PAX1: variants seen among roughly 807,000 people sequenced by gnomAD.
PAX1 encodes paired box 1.
A neutral mutation model predicts 35.6 loss-of-function variants in PAX1; 18 were observed. That is an observed-to-expected ratio of 0.50 (90% confidence interval 0.35 to 0.75). PAX1 has a LOEUF of 0.75. PAX1 is among the 30% of genes least tolerant of loss of function. The pLI is 0.01. For synonymous variants in PAX1, 397 were observed against 305.2 expected (o/e 1.30, Z -3.14); for missense variants, 760 against 661.5 (o/e 1.15, Z -1.63).
intron 4 of PAX1, among the ~76,000 whole-genome samples, chr20:21,713,324 T>A (rs1985254222): frequency 1.3e-5 from 2 of 152,076 alleles, no homozygotes; most frequent in Admixed American, 6.5e-5. Flanking sequence ...CGCTCTGTCC[T>A]GGGAAGGTCT....
rs773157105 is a variant in PAX1, at chr20:21,706,982, G to A, written c.831G>A (p.Ala277=). ...GCCACCCCGGGGTCCCGGGCACGGC[G>A]GGCCACGTCAGCATCCCGCGCTCAT... is the stretch of plus-strand genomic sequence containing the variant. ...MGSHPGVPGT[A]GHVSIPRSWP... is the part of the protein sequence containing the mutation. Residue 277 remains alanine (A), a synonymous_variant, in exon 2 of 5, where the codon GCG becomes GCA. Transcript: ENST00000613128. The surrounding 1 kb of genome is among the most constrained non-coding windows in gnomAD (Gnocchi z 5.3). The A allele has an allele frequency of 5.6e-6, 9 of 1,612,804 alleles. No homozygotes were observed. The South Asian group carries it at 7.7e-5, about 14-fold the overall frequency.
In PAX1 at chr20:21,706,155, G is replaced by A. The variant is rs1984985491; in HGVS notation, c.286+157G>A. 1.3e-6 allele frequency: 1 copy of A among 795,120 alleles called. No homozygotes were observed. The highest frequency in any genetic ancestry group is 1.5e-5 in the South Asian group (1 of 68,378). 49.3% of individuals were successfully genotyped at this position (795,120 alleles called of 1,614,324 possible). ...GATCCCCAGCCTTCAGGGGGCAGTT[G>A]AGCAAGTCTGGGAAGGGAGTGTTCC... On this transcript the variant is annotated intron_variant, in intron 1 of 4. Coordinates refer to ENST00000613128, the MANE Select transcript of PAX1 (RefSeq NM_001257096.2). The surrounding 1 kb of genome is among the most constrained non-coding windows in gnomAD (Gnocchi z 5.3).
chr20:21,705,789 C>G lies in PAX1; in HGVS notation c.77C>G (p.Pro26Arg). 7.8e-7 allele frequency: 1 copy of G among 1,277,246 alleles called. No individual in the cohort carries two copies. Among genetic ancestry groups the G allele is most frequent in the Non-Finnish European group, 9.9e-7 (1 of 1,014,254 alleles). The allele number at this position is 1,277,246 out of a possible 1,614,324, so 79.1% of individuals were successfully genotyped here. ...WEGAAAAAAGPGAGGSALRCR... is the reference protein window; with the variant it reads ...WEGAAAAAAGRGAGGSALRCR... Reference sequence around the variant, plus strand: ...GGGGCAGCAGCGGCGGCGGCAGGCCCTGGAGCGGGCGGCAGCGCGCTCCGC... The same window carrying G: ...GGGGCAGCAGCGGCGGCGGCAGGCCGTGGAGCGGGCGGCAGCGCGCTCCGC... The change falls in exon 1 of 5, where the codon CCT becomes CGT. Residue 26 changes from proline (P) to arginine (R), a missense_variant. Around this residue, in one of 3 missense-constraint regions of PAX1, gnomAD observed 222 missense variants for 153.0 expected, o/e 1.45. Coordinates refer to ENST00000613128, the MANE Select transcript of PAX1 (RefSeq NM_001257096.2).
chr20:21,713,994 G>A (rs1335753997), intron 4 of PAX1, among the ~76,000 whole-genome samples: 1 of 152,230 alleles, frequency 6.6e-6, no homozygotes, highest in African/African-American at 2.4e-5. Context: ...TCCGAGCCGC[G>A]GGTGTCAGCG....
chr20:21,714,460 T>A lies in PAX1; in HGVS notation c.1283-11T>A. 1 of 1,556,514 alleles carries A rather than the reference T, an allele frequency of 6.4e-7. No homozygotes were observed. Among genetic ancestry groups the A allele is most frequent in the Non-Finnish European group, 8.7e-7 (1 of 1,152,512 alleles). On this transcript the variant is annotated splice_polypyrimidine_tract_variant and intron_variant, in intron 4 of 4. Coordinates refer to ENST00000613128, the MANE Select transcript of PAX1 (RefSeq NM_001257096.2). ...GGTAGTGATCCGACGCCTCTGTGCT[T>A]CCTCCCGCAGTGGCTGACAGGAAGC...
chr20:21,705,767 G>A lies in PAX1; in HGVS notation c.55G>A (p.Ala19Thr), dbSNP rs2122130353. 1.6e-6 allele frequency: 2 copies of A among 1,263,068 alleles called. No homozygotes were observed. Among genetic ancestry groups the A allele is most frequent in the South Asian group, 3.9e-5 (1 of 25,484 alleles). 78.2% of individuals were successfully genotyped at this position (1,263,068 alleles called of 1,614,324 possible). A position where few individuals can be genotyped will look rare whatever the true frequency, so the allele number is the denominator to read the frequency against. ...GGCGTGGAGAGTGTCCTGGGAGGGG[G>A]CAGCAGCGGCGGCGGCAGGCCCTGG... ...SRAWRVSWEG[A>T]AAAAAGPGAG... is the part of the protein sequence containing the mutation. The change falls in exon 1 of 5, where the codon GCA becomes ACA. Residue 19 changes from alanine to threonine, a missense_variant. By Grantham distance (58) the Ala-to-Thr change is moderately conservative. Transcript: ENST00000613128.
At position 21,709,355 on chromosome 20, in the gene PAX1, G is replaced by C. The variant is rs758893794; in HGVS notation, c.1193G>C (p.Gly398Ala). 1.3e-6 allele frequency: 2 copies of C among 1,593,744 alleles called. No individual in the cohort carries two copies. Among genetic ancestry groups the C allele is most frequent in the Admixed American group, 3.4e-5 (2 of 58,602 alleles). Residue 398 changes from glycine to alanine, a missense_variant, in exon 4 of 5, where the codon GGT (glycine) becomes GCT (alanine). By Grantham distance (60) the Gly-to-Ala change is moderately conservative. This residue lies in a region of PAX1 where 490 missense variants were observed against 428.4 expected (regional missense o/e 1.14). Transcript: ENST00000613128. ...GGCCCGCCGTGGCCGCCTGCGCAAG[G>C]TCCTCCTCTGGCGCCCCCCGGGGCC... is the stretch of plus-strand genomic sequence containing the variant. ...APGPPWPPAQ[G>A]PPLAPPGAGV...
chr20:21,706,316 G>T lies in PAX1; in HGVS notation c.287-122G>T. The T allele has an allele frequency of 7.5e-7, 1 of 1,326,566 alleles. No homozygotes were observed. Among genetic ancestry groups the T allele is most frequent in the Non-Finnish European group, 1.1e-6 (1 of 934,164 alleles). 82.2% of individuals were successfully genotyped at this position (1,326,566 alleles called of 1,614,324 possible). ...GCCCTTGGACTCCGAGCTGTCTGGG[G>T]ACCCACAGGTCACCTTTGGAAGTGC... On this transcript the variant is annotated intron_variant, in intron 1 of 4. Transcript: ENST00000613128. The surrounding 1 kb of genome is among the most constrained non-coding windows in gnomAD (Gnocchi z 5.3).
At position 21,709,368 on chromosome 20, in the gene PAX1, G is replaced by T; in HGVS notation, c.1206G>T (p.Ala402=). The change falls in exon 4 of 5, where the codon GCG becomes GCT. Residue 402 remains alanine, a synonymous_variant. Coordinates refer to ENST00000613128, the MANE Select transcript of PAX1 (RefSeq NM_001257096.2). ...PWPPAQGPPL[A]PPGAGVAVHG... is the part of the protein sequence containing the mutation. ...CGCCTGCGCAAGGTCCTCCTCTGGCGCCCCCCGGGGCCGGCGTAGCTGTGC... is the reference window on the plus strand; with the variant it reads ...CGCCTGCGCAAGGTCCTCCTCTGGCTCCCCCCGGGGCCGGCGTAGCTGTGC... The T allele has an allele frequency of 6.4e-7, 1 of 1,571,364 alleles. No homozygotes were observed.
chr20:21,708,747 A>C (rs769082864), intron 3 of PAX1, 47 bp downstream of exon 3: 1 of 1,600,078 alleles, frequency 6.2e-7, no homozygotes, highest in Non-Finnish European at 8.6e-7. Context: ...GGGAAGCAGA[A>C]GGTTTGGGCA....
rs774932239 is a variant in PAX1 at position 21,706,445 on chromosome 20, G to A, written c.294G>A (p.Thr98=). ...QLAGPLAMEQ[T]YGEVNQLGGV... The stretch of plus-strand genomic sequence containing the variant: ...TGTCTGGCGCATCCGCAGAGCAGAC[G>A]TATGGCGAGGTGAACCAGCTGGGCG... Residue 98 remains threonine, a synonymous_variant, in exon 2 of 5, where the codon ACG becomes ACA. Coordinates refer to ENST00000613128, the MANE Select transcript of PAX1 (RefSeq NM_001257096.2). This position sits in a 1 kb window ranked among gnomAD's most constrained non-coding sequence, Gnocchi z 5.3. 11 of 1,611,112 alleles carry A rather than the reference G, an allele frequency of 6.8e-6. No homozygotes were observed. In the South Asian group the frequency reaches 1.2e-4, roughly 18 times the overall value.
chr20:21,718,424 G>C lies in PAX1; in HGVS notation c.*3862G>C, dbSNP rs956389366. ...CAGGAAAGAGACATGGAGGCAGAGGGGTGCGGGAAAACCTTGTGTGAAGAA... is the reference window on the plus strand; with the variant it reads ...CAGGAAAGAGACATGGAGGCAGAGGCGTGCGGGAAAACCTTGTGTGAAGAA... On this transcript the variant is annotated 3_prime_UTR_variant, in exon 5 of 5. Transcript: ENST00000613128. 6.6e-6 allele frequency: 1 copy of C among 152,168 alleles called. No homozygotes were observed. Among genetic ancestry groups the C allele is most frequent in the Non-Finnish European group, 1.5e-5 (1 of 68,040 alleles). The allele number at this position is 152,168 out of a possible 1,614,324, so 9.4% of individuals were successfully genotyped here.
chr20:21,706,262 GC>G lies in PAX1; in HGVS notation c.287-173del. On this transcript the variant is annotated intron_variant, in intron 1 of 4. Coordinates refer to ENST00000613128, the MANE Select transcript of PAX1 (RefSeq NM_001257096.2). The surrounding 1 kb of genome is among the most constrained non-coding windows in gnomAD (Gnocchi z 5.3). ...CACTCCGCGGCTCCTCTGCGCCCTTGCCCACTCCAAGCCAGACCCAGGCGGT... is the reference window on the plus strand; with the variant it reads ...CACTCCGCGGCTCCTCTGCGCCCTTGCCACTCCAAGCCAGACCCAGGCGGT... The G allele has an allele frequency of 1.1e-6, 1 of 900,506 alleles. No individual in the cohort carries two copies. The highest frequency in any genetic ancestry group is 1.8e-6 in the Non-Finnish European group (1 of 563,268). 55.8% of individuals were successfully genotyped at this position (900,506 alleles called of 1,614,324 possible).
Position 21,706,391 on chromosome 20 carries a change from G to C in PAX1, c.287-47G>C, listed in dbSNP as rs747762875. The C allele has an allele frequency of 6.2e-7, 1 of 1,607,172 alleles. No individual in the cohort carries two copies. The highest frequency in any genetic ancestry group is 1.1e-5 in the South Asian group (1 of 91,066). On this transcript the variant is annotated intron_variant, in intron 1 of 4. Transcript: ENST00000613128. This position sits in a 1 kb window ranked among gnomAD's most constrained non-coding sequence, Gnocchi z 5.3. Reference sequence around the variant, plus strand: ...CGTGGGGACCCTTGGCTAACCCGCCGGGTGTTTTCTCCCCCTCCGGCTCAC... The same window carrying C: ...CGTGGGGACCCTTGGCTAACCCGCCCGGTGTTTTCTCCCCCTCCGGCTCAC...
At position 21,709,457 on chromosome 20, in the gene PAX1, G is replaced by A. The variant is rs1239639596; in HGVS notation, c.1282+13G>A. On this transcript the variant is annotated intron_variant, in intron 4 of 4. Coordinates refer to ENST00000613128, the MANE Select transcript of PAX1 (RefSeq NM_001257096.2). ...CCCAGCCGAGAAGGTGAGGAGCGCA[G>A]GGAGTGGGGCGGGTGGATGCTGGAA... The A allele has an allele frequency of 2.0e-6, 3 of 1,509,074 alleles. No homozygotes were observed. The highest frequency in any genetic ancestry group is 2.5e-5 in the East Asian group (1 of 40,652). 93.5% of individuals were successfully genotyped at this position (1,509,074 alleles called of 1,614,324 possible). A position where few individuals can be genotyped will look rare whatever the true frequency, so the allele number is the denominator to read the frequency against.
chr20:21,712,284 G>A (rs1187838606), intron 4 of PAX1, among the ~76,000 whole-genome samples: 1 of 152,060 alleles, frequency 6.6e-6, no homozygotes, highest in Admixed American at 6.6e-5. Flanking sequence ...TTTTAAAAAG[G>A]TAGTGAGTCT....
Position 21,705,947 on chromosome 20 carries a change from G to C in PAX1, c.235G>C (p.Gly79Arg). The change falls in exon 1 of 5, where the codon GGC becomes CGC. Residue 79 changes from glycine to arginine, a missense_variant. Physicochemically the swap from Gly to Arg is moderately radical, Grantham distance 125. Around this residue, in one of 3 missense-constraint regions of PAX1, gnomAD observed 222 missense variants for 153.0 expected, o/e 1.45. Coordinates refer to ENST00000613128, the MANE Select transcript of PAX1 (RefSeq NM_001257096.2). ...CCCGGACTGCGCCGGGCCCAGCCCC[G>C]GCCACCCCGGCCACCCCGGCGCCAG... ...ALPDCAGPSP[G>R]HPGHPGARQL... is the part of the protein sequence containing the mutation. 12 of 1,481,108 alleles carry C rather than the reference G, an allele frequency of 8.1e-6. No individual in the cohort carries two copies. The highest frequency in any genetic ancestry group is 9.8e-6 in the Non-Finnish European group (11 of 1,124,032). The allele number at this position is 1,481,108 out of a possible 1,614,324, so 91.7% of individuals were successfully genotyped here. A position where few individuals can be genotyped will look rare whatever the true frequency, so the allele number is the denominator to read the frequency against.
chr20:21,714,740 G>T lies in PAX1; in HGVS notation c.*178G>T. 1 of 1,603,962 alleles carries T rather than the reference G, an allele frequency of 6.2e-7. No individual in the cohort carries two copies. Among genetic ancestry groups the T allele is most frequent in the Non-Finnish European group, 8.5e-7 (1 of 1,179,904 alleles). ...GCCCCCAGGCCCAGCCCTGCCTCTG[G>T]CCGGACCCACCACACTTCCTTTATT... On this transcript the variant is annotated 3_prime_UTR_variant, in exon 5 of 5. Transcript: ENST00000613128.
chr20:21,705,711 G>C lies in PAX1; in HGVS notation c.-2G>C. The C allele has an allele frequency of 1.6e-6, 2 of 1,243,362 alleles. No individual in the cohort carries two copies. The highest frequency in any genetic ancestry group is 2.0e-6 in the Non-Finnish European group (2 of 985,982). 77.0% of individuals were successfully genotyped at this position (1,243,362 alleles called of 1,614,324 possible). A position where few individuals can be genotyped will look rare whatever the true frequency, so the allele number is the denominator to read the frequency against. The stretch of plus-strand genomic sequence containing the variant: ...CCGGTCAGACGAATTTCTCCCAATC[G>C]GATGAAGTTCACCCTGGGCCTGGGG... On this transcript the variant is annotated 5_prime_UTR_variant, in exon 1 of 5. Coordinates refer to ENST00000613128, the MANE Select transcript of PAX1 (RefSeq NM_001257096.2).
Sources: gnomAD v4.1 joint callset for allele counts (sites outside exome capture counted in the v4.1 genomes callset) on GRCh38, gnomAD v4.1.1 for gene constraint, gnomAD v4.1.1 regional missense constraint, Gnocchi (gnomAD v3.1) non-coding constraint, MANE v1.5 for transcripts, NCBI Gene and HGNC (gene_info 2026-07-23, HGNC 2026-07-21) for gene names.